The following CLEC17A variants were observed in gnomAD, a reference collection of about 807,000 sequenced individuals.
CLEC17A encodes C-type lectin domain containing 17A.
Under a neutral mutation model 61.3 loss-of-function variants are expected in CLEC17A, and 37 were observed. That is an observed-to-expected ratio of 0.60 (90% CI 0.46 to 0.79). The LOEUF (loss-of-function observed/expected upper bound fraction) is 0.79, where lower values mean the gene tolerates loss of function less well. Ranked by LOEUF, CLEC17A falls within the 30% of genes least tolerant of loss-of-function variation. The pLI is 0.00. For missense variants in CLEC17A, 418 were observed against 464.7 expected (o/e 0.90, Z 0.92); for synonymous variants, 168 against 164.9 (o/e 1.02, Z -0.14).
chr19:14,603,746 G>A (rs1232342846), intron 12 of CLEC17A, among the ~76,000 whole-genome samples: 2 of 152,086 alleles, frequency 1.3e-5, no homozygotes, highest in South Asian at 2.1e-4. Flanking sequence ...GATTACAGGA[G>A]TGAGCCACCG....
intron 13 of CLEC17A, among the ~76,000 whole-genome samples, chr19:14,609,693 C>T (rs1174654820): frequency 6.6e-6 from 1 of 151,936 alleles, no homozygotes; most frequent in Admixed American, 6.6e-5. Flanking sequence ...TAAAAACTAG[C>T]CGGGTGTGGT....
chr19:14,587,536 A>T (rs1449738440), intron 2 of CLEC17A, 78 bp from the exon 3 acceptor site: 41 of 1,435,134 alleles, frequency 2.9e-5, no homozygotes, highest in Non-Finnish European at 3.6e-5. Flanking sequence ...ATCATGGGGC[A>T]GCTGAGGCAG....
intron 2 of CLEC17A, among the ~76,000 whole-genome samples, chr19:14,587,398 T>C (rs1378242323): frequency 2.0e-5 from 3 of 152,156 alleles, no homozygotes; most frequent in African/African-American, 7.2e-5. Flanking sequence ...CTTGTCATGT[T>C]CCTGGTGTTA....
chr19:14,595,203 A>C (rs748084840), intron 7 of CLEC17A, 71 bp from the exon 8 acceptor site: 3 of 1,559,722 alleles, frequency 1.9e-6, no homozygotes, highest in Non-Finnish European at 1.8e-6. Flanking sequence ...AGAACAAAAC[A>C]GAGGTTGTTG....
chr19:14,594,352 A>G, intron 4 of CLEC17A, 165 bp from the exon 5 acceptor site: 5 of 782,572 alleles, frequency 6.4e-6, no homozygotes, highest in East Asian at 5.4e-5. Context: ...TGGTCACCCT[A>G]CTTAATCCCA....
chr19:14,595,835 G>A (rs1270420904), intron 8 of CLEC17A, among the ~76,000 whole-genome samples: 3 of 151,756 alleles, frequency 2.0e-5, no homozygotes, highest in Non-Finnish European at 4.4e-5. Flanking sequence ...TATTGTTGGT[G>A]ATGGTGGTGG....
intron 12 of CLEC17A, among the ~76,000 whole-genome samples, chr19:14,605,946 C>G (rs2074855218): frequency 6.6e-6 from 1 of 152,026 alleles, no homozygotes; most frequent in South Asian, 2.1e-4. Context: ...CAGTATGTTG[C>G]CCAGACTAAT....
In CLEC17A at chr19:14,593,964, A is replaced by AAAACAAACAAAC. The variant is rs542906170; in HGVS notation, c.278-533_278-522dup. ...GAGACAGAGAGAGACTCTGTCTCATAAAACAAACAAACAAACAAACAAACA... is the reference window on the plus strand; with the variant it reads ...GAGACAGAGAGAGACTCTGTCTCATAAAACAAACAAACAAACAAACAAACAAACAAACAAACA... On this transcript the variant is annotated intron_variant, in intron 4 of 13. Coordinates refer to ENST00000417570, the MANE Select transcript of CLEC17A (RefSeq NM_001204118.2). Among the ~76,000 whole-genome samples, 325 of 146,896 alleles carry AAAACAAACAAAC rather than the reference A, an allele frequency of 2.2e-3. 1 individual carries two copies. The highest frequency in any genetic ancestry group is 6.5e-3 in the South Asian group (31 of 4,754).
rs1184073856 is a variant in CLEC17A, at chr19:14,595,330, A to G, written c.445+15A>G. On this transcript the variant is annotated intron_variant, in intron 8 of 13. Coordinates refer to ENST00000417570, the MANE Select transcript of CLEC17A (RefSeq NM_001204118.2). The stretch of plus-strand genomic sequence containing the variant: ...ATCCCTGGCCGGTAAGTGTCCTCCC[A>G]TTTCCCCTCTGACAGTGGCTAGTGT... The G allele has an allele frequency of 1.9e-6, 3 of 1,613,438 alleles. No homozygotes were observed. In the African/African-American group the frequency reaches 4.0e-5, roughly 22 times the overall value.
At position 14,599,776 on chromosome 19, in the gene CLEC17A, A is replaced by T; in HGVS notation, c.706A>T (p.Thr236Ser). 6.2e-7 allele frequency: 1 copy of T among 1,613,898 alleles called. No individual in the cohort carries two copies. Among genetic ancestry groups the T allele is most frequent in the East Asian group, 2.2e-5 (1 of 44,884 alleles). The change falls in exon 11 of 14, where the codon ACC (threonine) becomes TCC (serine). Residue 236 changes from threonine to serine, a missense_variant. Coordinates refer to ENST00000417570, the MANE Select transcript of CLEC17A (RefSeq NM_001204118.2). ...TGACATTGCCCGTGTAAGAGCTGAC[A>T]CCAACCAGTCCCTGGTGGAACTTTG... ...KHDIARVRAD[T>S]NQSLVELWGL...
chr19:14,587,811 C>A (rs2074321413), intron 3 of CLEC17A, 120 bp downstream of exon 3: 50 of 1,529,730 alleles, frequency 3.3e-5, no homozygotes, highest in Non-Finnish European at 4.4e-5. Context: ...ATGCCGGGCA[C>A]TGTGGAACCC....
intron 13 of CLEC17A, among the ~76,000 whole-genome samples, chr19:14,609,715 G>T (rs757076511): frequency 1.3e-5 from 2 of 152,056 alleles, no homozygotes; most frequent in Non-Finnish European, 2.9e-5. Flanking sequence ...GTGGACACCT[G>T]TAATCCCAGC....
intron 8 of CLEC17A, among the ~76,000 whole-genome samples, chr19:14,595,836 A>G (rs1481756777): frequency 7.2e-6 from 1 of 138,700 alleles, no homozygotes; most frequent in African/African-American, 2.7e-5. Flanking sequence ...ATTGTTGGTG[A>G]TGGTGGTGGT....
At chr19:14,607,764 TG>T (rs1479160548) in intron 13 of CLEC17A, among the ~76,000 whole-genome samples, 2 of 150,544 alleles carry the variant, frequency 1.3e-5, no homozygotes, top group Non-Finnish European at 3.0e-5. Context: ...TTTGTAGAGA[TG>T]GGGTTTCACC....
In CLEC17A at chr19:14,600,122, C is replaced by T; in HGVS notation, c.834C>T (p.Ala278=). The change falls in exon 12 of 14, where the codon GCC becomes GCT. Residue 278 remains alanine, a synonymous_variant. Coordinates refer to ENST00000417570, the MANE Select transcript of CLEC17A (RefSeq NM_001204118.2). The stretch of plus-strand genomic sequence containing the variant: ...CAAGCACCAAGTCATGGGATGAGGC[C>T]CGGATGTTCTGCCAGGAGAATTACT... The part of the protein sequence containing the change: ...FSPSTKSWDE[A]RMFCQENYSH... 1 of 1,613,978 alleles carries T rather than the reference C, an allele frequency of 6.2e-7. No homozygotes were observed. Among genetic ancestry groups the T allele is most frequent in the South Asian group, 1.1e-5 (1 of 91,084 alleles).
intron 12 of CLEC17A, among the ~76,000 whole-genome samples, chr19:14,601,892 A>G (rs1468734563): frequency 6.6e-6 from 1 of 151,966 alleles, no homozygotes; most frequent in South Asian, 2.1e-4. Flanking sequence ...TCCCGGGTTC[A>G]CGCCATTTTC....
At chr19:14,594,919 T>G in intron 7 of CLEC17A, 119 bp downstream of exon 7, 1 of 999,798 alleles carries the variant, frequency 1.0e-6, no homozygotes, top group Non-Finnish European at 1.5e-6. Flanking sequence ...TCATCCAGGC[T>G]GGAGTGCAGT....
chr19:14,598,475 T>G (rs1021977811), intron 10 of CLEC17A, among the ~76,000 whole-genome samples: 1 of 151,496 alleles, frequency 6.6e-6, no homozygotes, highest in African/African-American at 2.4e-5. Context: ...TTTCTTTCTC[T>G]CTTGCTTTCT....
Position 14,597,177 on chromosome 19 carries a change from C to A in CLEC17A, c.646+16C>A. ...CGAACAAATAGTGAGTGCTTTCAGT[C>A]ATTCCTTCATGCCACTCCTATTGAG... On this transcript the variant is annotated intron_variant, in intron 10 of 13. Transcript: ENST00000417570. 1 of 1,597,844 alleles carries A rather than the reference C, an allele frequency of 6.3e-7. No homozygotes were observed. The highest frequency in any genetic ancestry group is 1.1e-5 in the South Asian group (1 of 88,416).
Sources: allele counts gnomAD v4.1 joint callset (sites outside exome capture counted in the v4.1 genomes callset), GRCh38; gene constraint gnomAD v4.1.1; transcripts MANE v1.5; gene names NCBI Gene and HGNC (gene_info 2026-07-23, HGNC 2026-07-21).